Variants in CSMD3 observed in about 807,000 individuals in gnomAD.
CSMD3 encodes the protein CUB and Sushi multiple domains 3, also known as CUB and sushi domain-containing protein 3.
CSMD3 carries 177 observed loss-of-function variants against 435.2 expected under a neutral mutation model. The ratio of observed to expected loss-of-function variants is 0.41; its 90% CI spans 0.36 to 0.46. CSMD3 has a LOEUF of 0.46. CSMD3 is among the 20% of genes least tolerant of loss of function. The pLI, the probability that CSMD3 is intolerant of heterozygous loss-of-function variation, is 0.34. For synonymous variants in CSMD3, 1,656 were observed against 1,520.5 expected (o/e 1.09, Z -2.07); for missense variants, 4,265 against 4,504.6 (o/e 0.95, Z 1.52).
At chr8:112,524,311 A>C (rs1430101523) in intron 27 of CSMD3, among the ~76,000 whole-genome samples, 10 of 151,924 alleles carry the variant, frequency 6.6e-5, no homozygotes, top group Admixed American at 6.6e-4. Flanking sequence ...GAATTCTAGT[A>C]TATGGGGATG....
At chr8:113,351,466 C>A (rs2094189921) in intron 1 of CSMD3, among the ~76,000 whole-genome samples, 1 of 151,762 alleles carries the variant, frequency 6.6e-6, no homozygotes. Context: ...AAGAATAATT[C>A]AATTATTTAC....
chr8:112,425,854 A>G (rs1460204526), intron 32 of CSMD3, among the ~76,000 whole-genome samples: 1 of 152,194 alleles, frequency 6.6e-6, no homozygotes, highest in Non-Finnish European at 1.5e-5. Flanking sequence ...GAAAACAAAT[A>G]TTAAAGTACC....
intron 59 of CSMD3, among the ~76,000 whole-genome samples, chr8:112,271,900 A>G (rs1817561358): frequency 6.6e-6 from 1 of 152,212 alleles, no homozygotes; most frequent in Non-Finnish European, 1.5e-5. Context: ...ATAGTATTAA[A>G]AGGTAGGGGC....
chr8:112,298,152 G>A (rs1586695022), intron 53 of CSMD3, among the ~76,000 whole-genome samples: 2 of 148,516 alleles, frequency 1.3e-5, no homozygotes, highest in African/African-American at 2.5e-5. Context: ...GTTTTTAGAA[G>A]CCAATTTTCC....
chr8:112,749,231 C>T (rs891430219), intron 13 of CSMD3, among the ~76,000 whole-genome samples: 1 of 152,046 alleles, frequency 6.6e-6, no homozygotes, highest in African/African-American at 2.4e-5. Context: ...CTTATAGATC[C>T]TGGATATTAC....
At chr8:112,836,140 T>C (rs969528788) in intron 11 of CSMD3, among the ~76,000 whole-genome samples, 2 of 151,894 alleles carry the variant, frequency 1.3e-5, no homozygotes, top group African/African-American at 4.8e-5. Context: ...TCTGGACATA[T>C]CTTTGTATGC....
intron 4 of CSMD3, among the ~76,000 whole-genome samples, chr8:113,132,335 G>T (rs544823477): frequency 2.8e-4 from 43 of 152,230 alleles, no homozygotes; most frequent in Admixed American, 7.8e-4. Context: ...GAATTATATG[G>T]TTTGAATTTG....
At chr8:112,307,317 T>C (rs1821525687) in intron 50 of CSMD3, among the ~76,000 whole-genome samples, 1 of 152,058 alleles carries the variant, frequency 6.6e-6, no homozygotes, top group Non-Finnish European at 1.5e-5. Flanking sequence ...AGTACTACTC[T>C]TTTTCCCAGG....
At chr8:112,368,806 G>C (rs1828035792) in intron 38 of CSMD3, among the ~76,000 whole-genome samples, 1 of 152,006 alleles carries the variant, frequency 6.6e-6, no homozygotes, top group Admixed American at 6.6e-5. Flanking sequence ...CCTAAGCTCT[G>C]AGATTATTTT....
intron 31 of CSMD3, among the ~76,000 whole-genome samples, chr8:112,486,435 T>C (rs1400595896): frequency 6.6e-6 from 1 of 152,106 alleles, no homozygotes; most frequent in Non-Finnish European, 1.5e-5. Context: ...AGAATATTAA[T>C]AGTCTCTACT....
At chr8:113,355,675 T>C (rs1057186636) in intron 1 of CSMD3, among the ~76,000 whole-genome samples, 28 of 146,472 alleles carry the variant, frequency 1.9e-4, no homozygotes, top group African/African-American at 6.3e-4. Context: ...AATATAAATA[T>C]ACATATATTT....
At chr8:112,795,387 G>C (rs768076335) in intron 13 of CSMD3, among the ~76,000 whole-genome samples, 2 of 152,102 alleles carry the variant, frequency 1.3e-5, no homozygotes, top group Admixed American at 6.6e-5. Flanking sequence ...AATGGATACA[G>C]AAAAATGTTT....
chr8:112,699,392 G>A (rs1297090505), intron 13 of CSMD3, among the ~76,000 whole-genome samples: 2 of 152,060 alleles, frequency 1.3e-5, no homozygotes, highest in Non-Finnish European at 2.9e-5. Flanking sequence ...GCTTGAAGTC[G>A]GCAAGACCTA....
At chr8:113,049,986 T>C (rs1587967794) in intron 5 of CSMD3, among the ~76,000 whole-genome samples, 1 of 152,094 alleles carries the variant, frequency 6.6e-6, no homozygotes, top group Non-Finnish European at 1.5e-5. Flanking sequence ...CAAAATGACA[T>C]TCCCATGAGA....
At chr8:112,790,594 G>C (rs1213204356) in intron 13 of CSMD3, among the ~76,000 whole-genome samples, 1 of 151,870 alleles carries the variant, frequency 6.6e-6, no homozygotes, top group African/African-American at 2.4e-5. Flanking sequence ...TTGGTGCTTG[G>C]ATATAAATTT....
intron 36 of CSMD3, 73 bp downstream of exon 36, chr8:112,390,591 G>T (rs1250742418): frequency 1.6e-6 from 2 of 1,247,478 alleles, no homozygotes; most frequent in Non-Finnish European, 2.4e-6. Context: ...TAGAAATAAT[G>T]TTCATTCTGT....
At chr8:113,147,120 T>A (rs552315900) in intron 4 of CSMD3, among the ~76,000 whole-genome samples, 5 of 151,802 alleles carry the variant, frequency 3.3e-5, no homozygotes, top group Non-Finnish European at 7.4e-5. Flanking sequence ...TTAAAATCAC[T>A]CCCTAATAAA....
intron 3 of CSMD3, among the ~76,000 whole-genome samples, chr8:113,220,174 A>G (rs2132124704): frequency 6.6e-6 from 1 of 151,570 alleles, no homozygotes; most frequent in South Asian, 2.1e-4. Context: ...TGAAGATTAC[A>G]GAAGTCATAG....
At chr8:112,343,237 A>C (rs1825348193) in intron 41 of CSMD3, among the ~76,000 whole-genome samples, 1 of 151,972 alleles carries the variant, frequency 6.6e-6, no homozygotes, top group Non-Finnish European at 1.5e-5. Flanking sequence ...TATTGAAACT[A>C]TTTTTAATAA....
Sources: gnomAD v4.1 joint callset for allele counts (sites outside exome capture counted in the v4.1 genomes callset) on GRCh38, gnomAD v4.1.1 for gene constraint, MANE v1.5 for transcripts, NCBI Gene and HGNC (gene_info 2026-07-23, HGNC 2026-07-21) for gene names.